The following DIS3L2 variants were observed in gnomAD, a reference collection of about 807,000 sequenced individuals.
DIS3L2 encodes DIS3 like 3'-5' exoribonuclease 2, also known as DIS3-like exonuclease 2.
DIS3L2 carries 34 observed loss-of-function variants against 97.5 expected under a neutral mutation model. The observed-to-expected ratio is 0.35, with a 90% CI of 0.27 to 0.46. The LOEUF (loss-of-function observed/expected upper bound fraction) is 0.46. DIS3L2 is among the 20% of genes least tolerant of loss of function. DIS3L2 has a pLI of 1.00. For missense variants in DIS3L2, 1,038 were observed against 1,146.0 expected, an observed-to-expected ratio of 0.91 and a Z score of 1.36; for synonymous variants, 435 against 445.2, an observed-to-expected ratio of 0.98 and a Z score of 0.29.
intron 5 of DIS3L2, among the ~76,000 whole-genome samples, chr2:232,046,586 A>G (rs1695250201): frequency 6.6e-6 from 1 of 152,192 alleles, no homozygotes; most frequent in Non-Finnish European, 1.5e-5. Flanking sequence ...CAGAGGTTTC[A>G]AGTAATTATA....
chr2:232,028,444 G>A (rs1447839635), intron 4 of DIS3L2, among the ~76,000 whole-genome samples: 19 of 152,124 alleles, frequency 1.2e-4, no homozygotes, highest in African/African-American at 4.1e-4. Flanking sequence ...GTATGATGCA[G>A]TAGCTATAGA....
chr2:232,086,506 G>A (rs909523977), intron 5 of DIS3L2, among the ~76,000 whole-genome samples: 8 of 146,568 alleles, frequency 5.5e-5, no homozygotes, highest in Admixed American at 2.1e-4. Context: ...TTTCTCCATG[G>A]TTGATGGGAA....
rs1342000775 is a variant in DIS3L2 at position 232,210,399 on chromosome 2, G to A, written c.1198G>A (p.Ala400Thr). Reference sequence around the variant, plus strand: ...TGATGCCCTCTCCTGCAAGCCACTCGCTGACGGTAGGATGGAAATTTCTAT... The same window carrying A: ...TGATGCCCTCTCCTGCAAGCCACTCACTGACGGTAGGATGGAAATTTCTAT... ...LDDALSCKPL[A>T]DGNFKVGVHI... The change falls in exon 10 of 21, where the codon GCT becomes ACT. Residue 400 changes from alanine (A) to threonine (T), a missense_variant. By Grantham distance (58) the Ala-to-Thr change is moderately conservative. This residue lies in a region of DIS3L2 where 813 missense variants were observed against 880.1 expected (regional missense o/e 0.92). Transcript: ENST00000325385. 1.6e-5 allele frequency: 25 copies of A among 1,612,866 alleles called. No individual in the cohort carries two copies. The highest frequency in any genetic ancestry group is 4.4e-5 in the South Asian group (4 of 91,062).
intron 1 of DIS3L2, among the ~76,000 whole-genome samples, chr2:231,992,058 A>T (rs1693600960): frequency 6.6e-6 from 1 of 152,134 alleles, no homozygotes; most frequent in African/African-American, 2.4e-5. Flanking sequence ...GTATTGAGGG[A>T]TGAGGACTGG....
At chr2:232,113,805 C>T (rs138778006) in intron 6 of DIS3L2, among the ~76,000 whole-genome samples, 3,260 of 152,304 alleles carry the variant, frequency 0.021, 46 homozygotes, top group Non-Finnish European at 0.033. Flanking sequence ...CCAAAACAAA[C>T]CTCCTTCTTG....
At chr2:232,234,191 A>G (rs1692872672) in intron 10 of DIS3L2, among the ~76,000 whole-genome samples, 1 of 152,252 alleles carries the variant, frequency 6.6e-6, no homozygotes, top group Non-Finnish European at 1.5e-5. Flanking sequence ...TTTTTAGCCA[A>G]GTAACTGGAA....
intron 1 of DIS3L2, among the ~76,000 whole-genome samples, chr2:231,994,213 C>G (rs956945996): frequency 1.3e-5 from 2 of 151,242 alleles, no homozygotes; most frequent in African/African-American, 2.4e-5. Context: ...GGGGCTATTT[C>G]TGGGATCTCT....
At chr2:232,008,291 G>A (rs1045470203) in intron 1 of DIS3L2, among the ~76,000 whole-genome samples, 1 of 151,402 alleles carries the variant, frequency 6.6e-6, no homozygotes, top group Non-Finnish European at 1.5e-5. Context: ...GCCTCTGAAA[G>A]TGCTGGGATT....
chr2:232,038,416 G>A (rs928080589), intron 5 of DIS3L2, among the ~76,000 whole-genome samples: 1 of 152,110 alleles, frequency 6.6e-6, no homozygotes, highest in Non-Finnish European at 1.5e-5. Context: ...GCAGACCAGA[G>A]CAGGTATAGG....
intron 1 of DIS3L2, among the ~76,000 whole-genome samples, chr2:232,005,723 T>C (rs1694035588): frequency 6.6e-6 from 1 of 152,238 alleles, no homozygotes; most frequent in Non-Finnish European, 1.5e-5. Context: ...GTTAACCCAA[T>C]TTGTTTTTAA....
At position 232,336,570 on chromosome 2, in the gene DIS3L2, G is replaced by T; in HGVS notation, c.2598G>T (p.Leu866=). 1 of 1,609,344 alleles carries T rather than the reference G, an allele frequency of 6.2e-7. No homozygotes were observed. ...AGCGGCCAGGCACCCAGGGCCACCT[G>T]GGCCCTGAGAAGGAGGAGGAGGAGT... is the stretch of plus-strand genomic sequence containing the variant. ...ILKRPGTQGH[L]GPEKEEEESD... is the part of the protein sequence containing the mutation. The change falls in exon 21 of 21, where the codon CTG becomes CTT. Residue 866 remains leucine (L), a synonymous_variant. Coordinates refer to ENST00000325385, the MANE Select transcript of DIS3L2 (RefSeq NM_152383.5).
Position 232,232,530 on chromosome 2 carries a change from T to C in DIS3L2, c.1205-6003T>C, listed in dbSNP as rs16828703. Among the ~76,000 whole-genome samples the C allele has an allele frequency of 1.1e-4, 16 of 152,258 alleles. No individual in the cohort carries two copies. In the East Asian group the frequency reaches 3.1e-3, roughly 29 times the overall value. ...TGGAAGGTAGAGTCAGAATGATTGA[T>C]CGACACAGGCCTGAGAAAGTCCCAG... On this transcript the variant is annotated intron_variant, in intron 10 of 20. Coordinates refer to ENST00000325385, the MANE Select transcript of DIS3L2 (RefSeq NM_152383.5).
chr2:232,342,474 T>G (rs1696133819), intron 13 of DIS3L2, among the ~76,000 whole-genome samples: 1 of 152,156 alleles, frequency 6.6e-6, no homozygotes, highest in Admixed American at 6.5e-5. Context: ...TAGATCTGTT[T>G]GATACTTTAA....
chr2:232,017,842 G>T (rs1694399922), intron 3 of DIS3L2, among the ~76,000 whole-genome samples: 2 of 152,128 alleles, frequency 1.3e-5, no homozygotes, highest in Non-Finnish European at 2.9e-5. Context: ...AGTAGAGTTG[G>T]CTGTTAGTGT....
intron 14 of DIS3L2, among the ~76,000 whole-genome samples, chr2:232,315,899 C>G (rs1171284836): frequency 6.6e-6 from 1 of 152,214 alleles, no homozygotes; most frequent in African/African-American, 2.4e-5. Context: ...GGGCTACCCC[C>G]AAGCCAACCC....
chr2:232,133,338 C>T (rs1234542400), intron 7 of DIS3L2, among the ~76,000 whole-genome samples: 1 of 152,174 alleles, frequency 6.6e-6, no homozygotes, highest in African/African-American at 2.4e-5. Flanking sequence ...ACTGCAAAGG[C>T]TATTTTCCAA....
At chr2:231,962,768 A>G (rs34435552) in intron 1 of DIS3L2, among the ~76,000 whole-genome samples, 19,346 of 152,104 alleles carry the variant, frequency 0.13, 1,709 homozygotes, top group South Asian at 0.34. Context: ...TGTGCGCTCA[A>G]TGTTTCTACT....
chr2:232,120,959 T>G (rs1697884406), intron 6 of DIS3L2, among the ~76,000 whole-genome samples: 1 of 152,126 alleles, frequency 6.6e-6, no homozygotes, highest in Non-Finnish European at 1.5e-5. Context: ...TACTGGTTCC[T>G]TCCCATCAGC....
chr2:232,188,178 C>G (rs1361833060), intron 9 of DIS3L2, among the ~76,000 whole-genome samples: 1 of 152,070 alleles, frequency 6.6e-6, no homozygotes, highest in South Asian at 2.1e-4. Context: ...ACAACCCAAT[C>G]AACTGTTGAA....
Sources: allele counts gnomAD v4.1 joint callset (sites outside exome capture counted in the v4.1 genomes callset), GRCh38; gene constraint gnomAD v4.1.1; regional missense constraint gnomAD v4.1.1; transcripts MANE v1.5; gene names NCBI Gene and HGNC (gene_info 2026-07-23, HGNC 2026-07-21).